Variants in DLG2 observed in about 807,000 individuals in gnomAD.
DLG2 encodes the protein disks large homolog 2.
DLG2 carries 45 observed loss-of-function variants against 132.5 expected under a neutral mutation model. That is an observed-to-expected ratio of 0.34 (90% CI 0.27 to 0.44). The LOEUF (loss-of-function observed/expected upper bound fraction) is 0.44. Ranked by LOEUF, DLG2 falls within the 20% of genes least tolerant of loss-of-function variation. The probability of loss-of-function intolerance (pLI) is 1.00; values close to 1 mark genes in which losing one functional copy is unlikely to be tolerated. For missense variants in DLG2, 1,045 were observed against 1,196.9 expected, an observed-to-expected ratio of 0.87 and a Z score of 1.87; for synonymous variants, 424 against 419.6, an observed-to-expected ratio of 1.01 and a Z score of -0.13.
chr11:84,846,598 G>A (rs1566134155), intron 6 of DLG2, among the ~76,000 whole-genome samples: 1 of 152,088 alleles, frequency 6.6e-6, no homozygotes, highest in Non-Finnish European at 1.5e-5. Context: ...TAATGTTTAG[G>A]AAACTGAAGT....
intron 3 of DLG2, among the ~76,000 whole-genome samples, chr11:85,521,464 G>A (rs1806414): frequency 0.11 from 17,396 of 152,182 alleles, 1,247 homozygotes; most frequent in East Asian, 0.31. Context: ...AGTCCCAGGC[G>A]GTTCTTTATA....
chr11:85,188,086 C>T (rs1287928886), intron 4 of DLG2, among the ~76,000 whole-genome samples: 1 of 152,158 alleles, frequency 6.6e-6, no homozygotes, highest in Non-Finnish European at 1.5e-5. Flanking sequence ...GCAGAGGAGA[C>T]ATGGGAATAG....
At chr11:84,908,483 G>C (rs1422916548) in intron 6 of DLG2, among the ~76,000 whole-genome samples, 4 of 152,030 alleles carry the variant, frequency 2.6e-5, no homozygotes, top group African/African-American at 9.7e-5. Flanking sequence ...GATAGCCCTA[G>C]GGACATCCAT....
chr11:83,877,725 A>G (rs1408269683), intron 15 of DLG2, among the ~76,000 whole-genome samples: 1 of 152,154 alleles, frequency 6.6e-6, no homozygotes, highest in African/African-American at 2.4e-5. Context: ...CTCTCTTCTA[A>G]GACAAATACA....
chr11:84,044,897 C>T (rs184169399), intron 11 of DLG2, among the ~76,000 whole-genome samples: 64 of 151,842 alleles, frequency 4.2e-4, no homozygotes, highest in Non-Finnish European at 6.6e-4. Context: ...GCATCTGAGC[C>T]TCTCTAAGCC....
chr11:85,262,875 G>T (rs1278232725), intron 4 of DLG2, among the ~76,000 whole-genome samples: 2 of 152,156 alleles, frequency 1.3e-5, no homozygotes, highest in East Asian at 3.9e-4. Flanking sequence ...TCCGGGAACA[G>T]CCATGCTATG....
At chr11:85,457,019 G>C (rs1035142926) in intron 3 of DLG2, among the ~76,000 whole-genome samples, 1 of 152,116 alleles carries the variant, frequency 6.6e-6, no homozygotes, top group African/African-American at 2.4e-5. Context: ...GTCTAATACT[G>C]TCAGTGGGGT....
At chr11:84,059,620 A>C in intron 10 of DLG2, 136 bp from the exon 11 acceptor site, 1 of 719,176 alleles carries the variant, frequency 1.4e-6, no homozygotes, top group South Asian at 2.5e-5. Context: ...ATTTGGAAGG[A>C]TGCTTCAAAT....
intron 8 of DLG2, among the ~76,000 whole-genome samples, chr11:84,173,336 T>C (rs2095865899): frequency 6.6e-6 from 1 of 152,172 alleles, no homozygotes; most frequent in Non-Finnish European, 1.5e-5. Flanking sequence ...AGTTTGTACA[T>C]GCTCTTTGAG....
At chr11:83,523,318 A>C (rs1190549506) in intron 21 of DLG2, among the ~76,000 whole-genome samples, 1 of 152,174 alleles carries the variant, frequency 6.6e-6, no homozygotes, top group South Asian at 2.1e-4. Context: ...ATAAAACTAT[A>C]CTTGTTATTT....
intron 6 of DLG2, among the ~76,000 whole-genome samples, chr11:85,006,523 TCTAGTATTCTCTGATGG>T (rs1331111679): frequency 3.9e-5 from 6 of 152,212 alleles, no homozygotes; most frequent in South Asian, 2.1e-4. Context: ...TAGAGGTGTT[TCTAGTATTCTCTGATGG>T]TAGTTTGCAT....
chr11:85,427,180 G>C (rs965583878), intron 3 of DLG2, among the ~76,000 whole-genome samples: 2 of 152,132 alleles, frequency 1.3e-5, no homozygotes, highest in African/African-American at 2.4e-5. Context: ...AGGGAGAATG[G>C]AACCAAGTTG....
intron 3 of DLG2, among the ~76,000 whole-genome samples, chr11:85,394,063 T>G (rs981239021): frequency 6.6e-6 from 1 of 152,132 alleles, no homozygotes; most frequent in Non-Finnish European, 1.5e-5. Context: ...TATTGAAATA[T>G]TTTCAAGTGG....
rs1362266824 is a variant in DLG2, at chr11:83,503,414, T to TAG, written c.2194-19187_2194-19186insCT. Among the ~76,000 whole-genome samples, 147 of 47,932 alleles carry TAG rather than the reference T, an allele frequency of 3.1e-3. 2 individuals carry two copies. Among genetic ancestry groups the TAG allele is most frequent in the Admixed American group, 6.8e-3 (32 of 4,734 alleles). 31.4% of individuals were successfully genotyped at this position (47,932 alleles called of 152,430 possible). A position where few individuals can be genotyped will look rare whatever the true frequency, so the allele number is the denominator to read the frequency against. ...ATATATATATATATATATATATATA[T>TAG]ATATATATAGATAGATCTAATAGGA... On this transcript the variant is annotated intron_variant, in intron 21 of 27. Coordinates refer to ENST00000376104, the MANE Select transcript of DLG2 (RefSeq NM_001142699.3).
chr11:85,134,694 T>C (rs896151568), intron 5 of DLG2, among the ~76,000 whole-genome samples: 10 of 151,986 alleles, frequency 6.6e-5, no homozygotes, highest in Non-Finnish European at 8.8e-5. Flanking sequence ...TCTCAGAAAC[T>C]GACATGTCAT....
intron 7 of DLG2, among the ~76,000 whole-genome samples, chr11:84,464,029 T>C (rs2099087428): frequency 1.3e-5 from 2 of 151,248 alleles, no homozygotes; most frequent in South Asian, 2.1e-4. Flanking sequence ...AATTTCAATC[T>C]AATTTTACTC....
chr11:83,985,156 A>C (rs2093157820), intron 11 of DLG2, among the ~76,000 whole-genome samples: 1 of 151,850 alleles, frequency 6.6e-6, no homozygotes, highest in Non-Finnish European at 1.5e-5. Context: ...TCTTGCATAG[A>C]CTCTGTTAAA....
chr11:84,512,297 A>G (rs1001035135), intron 7 of DLG2, among the ~76,000 whole-genome samples: 14 of 152,158 alleles, frequency 9.2e-5, no homozygotes, highest in Non-Finnish European at 1.6e-4. Flanking sequence ...CAGATTTCTG[A>G]GTAAACAATG....
At chr11:83,928,975 C>T (rs763842543) in intron 15 of DLG2, among the ~76,000 whole-genome samples, 3 of 152,028 alleles carry the variant, frequency 2.0e-5, no homozygotes, top group Non-Finnish European at 4.4e-5. Flanking sequence ...GCATAGTTCA[C>T]TGTATCAACA....
Sources: gnomAD v4.1 joint callset for allele counts (sites outside exome capture counted in the v4.1 genomes callset) on GRCh38, gnomAD v4.1.1 for gene constraint, MANE v1.5 for transcripts, NCBI Gene and HGNC (gene_info 2026-07-23, HGNC 2026-07-21) for gene names.